The following PARP11 variants were observed in gnomAD, a reference collection of about 807,000 sequenced individuals.
PARP11 encodes the protein protein mono-ADP-ribosyltransferase PARP11.
A neutral mutation model predicts 42.9 loss-of-function variants in PARP11; 31 were observed. The ratio of observed to expected loss-of-function variants is 0.72; its 90% CI spans 0.54 to 0.98. The LOEUF is 0.98. Ranked by LOEUF, PARP11 falls within the 50% of genes least tolerant of loss-of-function variation. The probability of loss-of-function intolerance (pLI) is 0.00; values close to 1 mark genes in which losing one functional copy is unlikely to be tolerated. For missense variants in PARP11, 365 were observed against 413.1 expected (o/e 0.88, Z 1.01); for synonymous variants, 137 against 127.3 (o/e 1.08, Z -0.51).
chr12:3,842,013 T>C, intron 1 of PARP11: 1 of 1,611,466 alleles, frequency 6.2e-7, no homozygotes, highest in South Asian at 1.1e-5. Flanking sequence ...GAAAGGCAGA[T>C]ATGGCATTGG....
intron 1 of PARP11, among the ~76,000 whole-genome samples, chr12:3,870,425 G>A (rs886477783): frequency 3.9e-5 from 6 of 152,138 alleles, no homozygotes; most frequent in African/African-American, 1.4e-4. Context: ...TGATTTCAAA[G>A]AAAACCCATT....
At chr12:3,867,695 G>C (rs1356086586) in intron 1 of PARP11, among the ~76,000 whole-genome samples, 4 of 152,180 alleles carry the variant, frequency 2.6e-5, no homozygotes. Context: ...GAGTGAGACT[G>C]ATTACACTAT....
At position 3,861,402 on chromosome 12, in the gene PARP11, A is replaced by G. The variant is rs1018338399; in HGVS notation, c.18+11810T>C. 2.0e-5 allele frequency among the ~76,000 whole-genome samples: 3 copies of G among 151,986 alleles called. No homozygotes were observed. The highest frequency in any genetic ancestry group is 1.9e-4 in the East Asian group (1 of 5,192). ...GATAGATGGGCAGTATTGTGGTTCT[A>G]TTTTCCATTTCCCTAAAGAATAATG... is the stretch of plus-strand genomic sequence containing the variant. On this transcript the variant is annotated intron_variant, in intron 1 of 7. Transcript: ENST00000228820. This position sits in a 1 kb window ranked among gnomAD's most constrained non-coding sequence, Gnocchi z 4.6.
intron 6 of PARP11, among the ~76,000 whole-genome samples, chr12:3,819,468 G>A (rs1210053336): frequency 1.3e-5 from 2 of 152,024 alleles, no homozygotes; most frequent in African/African-American, 2.4e-5. Context: ...CTTCTATCCA[G>A]TAGATGCCAG....
chr12:3,863,145 T>G (rs1048228023), intron 1 of PARP11, among the ~76,000 whole-genome samples: 8 of 152,236 alleles, frequency 5.3e-5, no homozygotes, highest in Non-Finnish European at 1.2e-4. Context: ...GGAATTGCAT[T>G]TTAAAAGTCA....
In PARP11 at chr12:3,812,267, G is replaced by A; in HGVS notation, c.873C>T (p.Asp291=). 6.2e-7 allele frequency: 1 copy of A among 1,614,194 alleles called. No homozygotes were observed. Among genetic ancestry groups the A allele is most frequent in the Non-Finnish European group, 8.5e-7 (1 of 1,180,024 alleles). Residue 291 remains aspartate (D), a synonymous_variant, in exon 8 of 8, where the codon GAC becomes GAT. Transcript: ENST00000228820. ...RVLIGDYING[D]SKYMRPPSKD... ...TGGAAGGAGGTCGCATGTATTTGGA[G>A]TCTCCGTTTATGTAATCTCCAATTA...
intron 1 of PARP11, among the ~76,000 whole-genome samples, chr12:3,850,195 T>G (rs1215444954): frequency 6.6e-6 from 1 of 152,070 alleles, no homozygotes; most frequent in African/African-American, 2.4e-5. Flanking sequence ...TGTTCTCCCC[T>G]TTTTTCTATC....
chr12:3,855,438 C>G (rs1948173828), intron 1 of PARP11, among the ~76,000 whole-genome samples: 1 of 152,370 alleles, frequency 6.6e-6, no homozygotes, highest in African/African-American at 2.4e-5. Flanking sequence ...AGCAAAGTCT[C>G]AGGATACAAA....
intron 1 of PARP11, among the ~76,000 whole-genome samples, chr12:3,848,683 A>G (rs906839218): frequency 1.3e-5 from 2 of 152,216 alleles, no homozygotes; most frequent in Non-Finnish European, 2.9e-5. Flanking sequence ...ACTTAAATCT[A>G]AGATCTGAAA....
intron 1 of PARP11, among the ~76,000 whole-genome samples, chr12:3,868,143 TA>T (rs774300495): frequency 2.5e-4 from 38 of 152,156 alleles, no homozygotes; most frequent in Non-Finnish European, 4.9e-4. Flanking sequence ...TCAATGATAA[TA>T]AAAACATTAA....
chr12:3,869,238 A>G (rs1040285366), intron 1 of PARP11, among the ~76,000 whole-genome samples: 2 of 152,224 alleles, frequency 1.3e-5, no homozygotes, highest in Non-Finnish European at 2.9e-5. Context: ...ATGTAACAAC[A>G]TATTTACAGA....
intron 7 of PARP11, among the ~76,000 whole-genome samples, chr12:3,812,729 T>C (rs1947208186): frequency 6.6e-6 from 1 of 152,206 alleles, no homozygotes; most frequent in African/African-American, 2.4e-5. Flanking sequence ...TTAAAATAAA[T>C]CTTACAAAGA....
At position 3,829,892 on chromosome 12, in the gene PARP11, G is replaced by A. The variant is rs1173439584; in HGVS notation, c.145C>T (p.Gln49Ter). The stretch of plus-strand genomic sequence containing the variant: ...CTAAATTAAAGGAAAGGAGGTACCT[G>A]AAACATGTGCCACTTCCCACATTCT... ...LAECGKWHMF[Q>*]PDTNSQCSVS... Residue 49 changes from glutamine to a stop codon, truncating the protein, a stop_gained and splice_region_variant, in exon 2 of 8, where the codon CAG becomes TAG. Coordinates refer to ENST00000228820, the MANE Select transcript of PARP11 (RefSeq NM_020367.6). LOFTEE classifies it high-confidence loss of function. 1.9e-6 allele frequency: 3 copies of A among 1,613,894 alleles called. No homozygotes were observed. Among genetic ancestry groups the A allele is most frequent in the Non-Finnish European group, 2.5e-6 (3 of 1,179,832 alleles).
chr12:3,832,900 A>C (rs914821226), intron 1 of PARP11, among the ~76,000 whole-genome samples: 2 of 152,220 alleles, frequency 1.3e-5, no homozygotes, highest in Non-Finnish European at 2.9e-5. Context: ...CATTTTGTAA[A>C]GTTTCAAGGG....
intron 6 of PARP11, among the ~76,000 whole-genome samples, chr12:3,817,705 G>A (rs890741461): frequency 2.6e-5 from 4 of 152,194 alleles, no homozygotes. Flanking sequence ...TTAGGGACTA[G>A]AGTGCCAAAC....
intron 2 of PARP11, 82 bp from the exon 3 acceptor site, chr12:3,829,112 G>A (rs1947587000): frequency 4.7e-6 from 7 of 1,489,518 alleles, no homozygotes; most frequent in African/African-American, 1.4e-5. Flanking sequence ...TGGTCATAGA[G>A]ACAGGGAATG....
At chr12:3,843,567 A>T (rs1482321972) in intron 1 of PARP11, among the ~76,000 whole-genome samples, 1 of 152,128 alleles carries the variant, frequency 6.6e-6, no homozygotes, top group Non-Finnish European at 1.5e-5. Context: ...TATGATTGTG[A>T]CTTCTAGTTC....
intron 4 of PARP11, among the ~76,000 whole-genome samples, chr12:3,824,159 T>C (rs986042378): frequency 6.6e-6 from 1 of 152,248 alleles, no homozygotes; most frequent in African/African-American, 2.4e-5. Flanking sequence ...ATCAAACTTT[T>C]GAATTTTAGT....
At position 3,809,897 on chromosome 12, in the gene PARP11, C is replaced by A. The variant is rs1947134285; in HGVS notation, c.*2226G>T. 3.9e-5 allele frequency: 6 copies of A among 152,302 alleles called. No homozygotes were observed. The South Asian group carries it at 1.2e-3, about 32-fold the overall frequency. The allele number at this position is 152,302 out of a possible 1,614,324, so 9.4% of individuals were successfully genotyped here. On this transcript the variant is annotated 3_prime_UTR_variant, in exon 8 of 8. Transcript: ENST00000228820. ...ATTCTCAGCACTTCATCTAAACCAGCAGCTGGGGTGCATACCTGAGCCAGG... is the reference window on the plus strand; with the variant it reads ...ATTCTCAGCACTTCATCTAAACCAGAAGCTGGGGTGCATACCTGAGCCAGG...
Sources: gnomAD v4.1 joint callset for allele counts (sites outside exome capture counted in the v4.1 genomes callset) on GRCh38, gnomAD v4.1.1 for gene constraint, Gnocchi (gnomAD v3.1) non-coding constraint, MANE v1.5 for transcripts, NCBI Gene and HGNC (gene_info 2026-07-23, HGNC 2026-07-21) for gene names.